The following PSMB7 variants were observed in gnomAD, a reference collection of about 807,000 sequenced individuals.
PSMB7 encodes proteasome 20S subunit beta 7, also known as proteasome subunit beta type-7.
In PSMB7, 5 loss-of-function variants were observed where a neutral mutation model predicts 28.1. That is an observed-to-expected ratio of 0.18 (90% CI 0.09 to 0.37). The LOEUF is 0.37. Ranked by LOEUF, PSMB7 falls within the 10% of genes least tolerant of loss-of-function variation. The pLI is 1.00. For missense variants in PSMB7, 275 were observed against 346.2 expected, an observed-to-expected ratio of 0.79 and a Z score of 1.63; for synonymous variants, 122 against 123.7, an observed-to-expected ratio of 0.99 and a Z score of 0.09.
rs143865247 is a variant in PSMB7, at chr9:124,373,588, G to A, written c.570+11010C>T. 5.3e-5 allele frequency among the ~76,000 whole-genome samples: 8 copies of A among 152,248 alleles called. No individual in the cohort carries two copies. The East Asian group carries it at 9.6e-4, about 18-fold the overall frequency. ...CAAATCCAGTGTATAAAGGAAGCAC[G>A]TCAAATGTTTCAATTGTCCCATCTA... On this transcript the variant is annotated intron_variant, in intron 6 of 7. Coordinates refer to ENST00000259457, the MANE Select transcript of PSMB7 (RefSeq NM_002799.4).
At chr9:124,370,446 C>T (rs999028706) in intron 6 of PSMB7, among the ~76,000 whole-genome samples, 3 of 151,602 alleles carry the variant, frequency 2.0e-5, no homozygotes. Context: ...TCTTAAGAAT[C>T]GCCAGTCCCT....
chr9:124,362,602 G>T (rs1830473108), intron 6 of PSMB7, among the ~76,000 whole-genome samples: 1 of 152,150 alleles, frequency 6.6e-6, no homozygotes, highest in African/African-American at 2.4e-5. Flanking sequence ...GGAGATGCTG[G>T]CCAAAGGATA....
chr9:124,414,672 T>C (rs949963982), intron 2 of PSMB7, among the ~76,000 whole-genome samples, 170 bp downstream of exon 2: 3 of 151,288 alleles, frequency 2.0e-5, no homozygotes, highest in Non-Finnish European at 2.9e-5. Flanking sequence ...ACATAAACTG[T>C]TAAGAAGCAC....
intron 4 of PSMB7, among the ~76,000 whole-genome samples, chr9:124,410,663 A>G (rs1453730935): frequency 6.6e-6 from 1 of 152,264 alleles, no homozygotes; most frequent in African/African-American, 2.4e-5. Flanking sequence ...AACATAAAGC[A>G]GCAATTGGAT....
intron 5 of PSMB7, among the ~76,000 whole-genome samples, chr9:124,402,677 T>C (rs1477899005): frequency 1.3e-5 from 2 of 152,138 alleles, no homozygotes; most frequent in Non-Finnish European, 2.9e-5. Flanking sequence ...TTACTGTTAC[T>C]TTTCTGCAAG....
At chr9:124,403,181 T>C (rs532767027) in intron 5 of PSMB7, among the ~76,000 whole-genome samples, 1 of 152,210 alleles carries the variant, frequency 6.6e-6, no homozygotes, top group African/African-American at 2.4e-5. Flanking sequence ...ATGTAAATGT[T>C]AGAACTTGAA....
rs759537628 is a variant in PSMB7 at position 124,384,693 on chromosome 9, A to G, written c.512-37T>C. The stretch of plus-strand genomic sequence containing the variant: ...AGGTGCACTTTTAGTGTATTTTATG[A>G]TATCCCAGCTTATCCATCTCAAGTT... On this transcript the variant is annotated intron_variant, in intron 5 of 7. Transcript: ENST00000259457. 6.9e-6 allele frequency: 11 copies of G among 1,598,052 alleles called. No homozygotes were observed. The South Asian group carries it at 1.2e-4, about 18-fold the overall frequency.
chr9:124,412,598 G>C (rs945333132), intron 3 of PSMB7, 106 bp from the exon 4 acceptor site: 1 of 1,179,488 alleles, frequency 8.5e-7, no homozygotes, highest in African/African-American at 1.5e-5. Flanking sequence ...ACAGAGAGAT[G>C]TTTTTGAGTA....
chr9:124,385,057 TA>T (rs1830705862), intron 5 of PSMB7, among the ~76,000 whole-genome samples: 1 of 152,250 alleles, frequency 6.6e-6, no homozygotes, highest in African/African-American at 2.4e-5. Context: ...GGTATAGCGC[TA>T]AATACCAAGC....
At chr9:124,357,754 G>A (rs939688248) in intron 6 of PSMB7, among the ~76,000 whole-genome samples, 2 of 152,132 alleles carry the variant, frequency 1.3e-5, no homozygotes, top group Admixed American at 6.5e-5. Flanking sequence ...GGTGGATGAC[G>A]CCCCCAGATC....
chr9:124,369,973 T>A (rs938764159), intron 6 of PSMB7, among the ~76,000 whole-genome samples: 1 of 152,052 alleles, frequency 6.6e-6, no homozygotes, highest in Non-Finnish European at 1.5e-5. Context: ...GGTTGTAAAG[T>A]CACTAAGAAA....
chr9:124,386,114 C>T (rs1365408978), intron 5 of PSMB7, among the ~76,000 whole-genome samples: 2 of 150,428 alleles, frequency 1.3e-5, no homozygotes, highest in East Asian at 3.9e-4. Context: ...AAAGGCAACC[C>T]GATTTTCCCC....
intron 6 of PSMB7, chr9:124,383,960 T>C (rs904239010): frequency 6.6e-6 from 1 of 152,202 alleles, no homozygotes; most frequent in Non-Finnish European, 1.5e-5. Flanking sequence ...CCTGAAGATG[T>C]AGGGGGTGGC....
intron 5 of PSMB7, among the ~76,000 whole-genome samples, chr9:124,397,356 G>T (rs1268771871): frequency 1.3e-5 from 2 of 152,222 alleles, no homozygotes; most frequent in Non-Finnish European, 2.9e-5. Flanking sequence ...ACACCACCAG[G>T]AGTCTGATAT....
rs550770617 is a variant in PSMB7, at chr9:124,404,638, A to G, written c.511+679T>C. On this transcript the variant is annotated intron_variant, in intron 5 of 7. Transcript: ENST00000259457. ...AGGCCGAGGTGGGCAGATTACTTGA[A>G]GTCAGGAGTTTGACACCAGCCTGGC... Among the ~76,000 whole-genome samples, 39 of 152,214 alleles carry G rather than the reference A, an allele frequency of 2.6e-4. 4 individuals carry two copies. Among genetic ancestry groups the G allele is most frequent in the South Asian group, 2.5e-3 (12 of 4,820 alleles).
At chr9:124,392,503 G>A (rs905534877) in intron 5 of PSMB7, among the ~76,000 whole-genome samples, 1 of 152,218 alleles carries the variant, frequency 6.6e-6, no homozygotes, top group Non-Finnish European at 1.5e-5. Flanking sequence ...CCGCACAAGA[G>A]GGCAGGGGAC....
Position 124,414,733 on chromosome 9 carries a change from T to C in PSMB7, c.156+109A>G. On this transcript the variant is annotated intron_variant, in intron 2 of 7. Coordinates refer to ENST00000259457, the MANE Select transcript of PSMB7 (RefSeq NM_002799.4). ...CCTGAAAGACGGTCTCCTGATGTAT[T>C]CTATAGCATTTGCCTTTCCAGACCG... The C allele has an allele frequency of 3.6e-6, 3 of 838,570 alleles. No individual in the cohort carries two copies. In the East Asian group the frequency reaches 7.8e-5, roughly 22 times the overall value. The allele number at this position is 838,570 out of a possible 1,614,324, so 51.9% of individuals were successfully genotyped here. A position where few individuals can be genotyped will look rare whatever the true frequency, so the allele number is the denominator to read the frequency against.
intron 5 of PSMB7, among the ~76,000 whole-genome samples, chr9:124,400,997 G>A (rs150669912): frequency 4.2e-4 from 64 of 152,158 alleles, no homozygotes; most frequent in African/African-American, 1.5e-3. Flanking sequence ...TCTTCAAAAC[G>A]AGTTAATAGT....
intron 6 of PSMB7, among the ~76,000 whole-genome samples, chr9:124,360,967 T>C (rs1243269925): frequency 1.3e-5 from 2 of 152,122 alleles, no homozygotes; most frequent in Admixed American, 6.5e-5. Flanking sequence ...ACACAACTTA[T>C]CTCTAAGCAG....
Sources: allele counts gnomAD v4.1 joint callset (sites outside exome capture counted in the v4.1 genomes callset), GRCh38; gene constraint gnomAD v4.1.1; transcripts MANE v1.5; gene names NCBI Gene and HGNC (gene_info 2026-07-23, HGNC 2026-07-21).